Variants in CD81 observed in about 807,000 individuals in gnomAD.
CD81 encodes the protein CD81 antigen.
In CD81, 10 loss-of-function variants were observed where a neutral mutation model predicts 30.1. That is an observed-to-expected ratio of 0.33 (90% CI 0.21 to 0.56). CD81 has a LOEUF of 0.56. Among genes scored for constraint, CD81 ranks in the 20% least tolerant of loss-of-function variants. The pLI is 0.89. For missense variants in CD81, 263 were observed against 308.7 expected (o/e 0.85, Z 1.11); for synonymous variants, 147 against 126.4 (o/e 1.16, Z -1.10).
intron 1 of CD81, chr11:2,386,588 G>C (rs959988599): frequency 3.5e-5 from 25 of 717,162 alleles, no homozygotes; most frequent in Admixed American, 6.0e-5. Flanking sequence ...AGGTCGGAGA[G>C]CTTGGCATGG....
intron 1 of CD81, among the ~76,000 whole-genome samples, chr11:2,382,847 G>A (rs751654940): frequency 6.6e-5 from 10 of 152,244 alleles, no homozygotes; most frequent in Non-Finnish European, 1.2e-4. Context: ...CCTGATCCTG[G>A]AGCTCCTTCC....
intron 1 of CD81, among the ~76,000 whole-genome samples, chr11:2,383,667 G>C (rs951646250): frequency 6.6e-6 from 1 of 152,136 alleles, no homozygotes; most frequent in South Asian, 2.1e-4. Flanking sequence ...AGCCCGCAGC[G>C]TGGCCCTGCC....
rs886717708 is a variant in CD81 at position 2,396,972 on chromosome 11, T to C, written c.*106T>C. The C allele has an allele frequency of 9.4e-7, 1 of 1,058,674 alleles. No individual in the cohort carries two copies. 65.6% of individuals were successfully genotyped at this position (1,058,674 alleles called of 1,614,324 possible). On this transcript the variant is annotated 3_prime_UTR_variant, in exon 8 of 8. Coordinates refer to ENST00000263645, the MANE Select transcript of CD81 (RefSeq NM_004356.4). ...GTGTATATAACGTTTCCGGTATTAC[T>C]CTGCTACACGTAGCCTTTTTACTTT...
In CD81 at chr11:2,377,635, CCGGGG is replaced by C; in HGVS notation, c.66+25_66+29del. The C allele has an allele frequency of 6.6e-7, 1 of 1,511,214 alleles. No individual in the cohort carries two copies. Among genetic ancestry groups the C allele is most frequent in the African/African-American group, 1.4e-5 (1 of 69,916 alleles). The allele number at this position is 1,511,214 out of a possible 1,614,324, so 93.6% of individuals were successfully genotyped here. On this transcript the variant is annotated intron_variant, in intron 1 of 7. Transcript: ENST00000263645. This position sits in a 1 kb window ranked among gnomAD's most constrained non-coding sequence, Gnocchi z 7.7. ...TTCTGGGTAAGGGCTGCGCCGGGGGCCGGGGCGGGAGGGGGCAGGCACACACTCCA... is the reference window on the plus strand; with the variant it reads ...TTCTGGGTAAGGGCTGCGCCGGGGGCCGGGAGGGGGCAGGCACACACTCCA...
At chr11:2,389,512 C>A (rs1849857510) in intron 1 of CD81, among the ~76,000 whole-genome samples, 1 of 152,090 alleles carries the variant, frequency 6.6e-6, no homozygotes, top group Non-Finnish European at 1.5e-5. Flanking sequence ...GGCCCAGTCT[C>A]AAGGGCAGAC....
At chr11:2,379,446 T>G (rs1049078898) in intron 1 of CD81, among the ~76,000 whole-genome samples, 46 of 10,568 alleles carry the variant, frequency 4.4e-3, no homozygotes, top group African/African-American at 6.1e-3. Flanking sequence ...GACCTGGGGG[T>G]GGGGGTTGAG....
At chr11:2,394,006 C>T (rs765890404) in intron 2 of CD81, 89 bp from the exon 3 acceptor site, 3 of 953,628 alleles carry the variant, frequency 3.1e-6, no homozygotes, top group African/African-American at 3.2e-5. Context: ...AGCTGGGCGG[C>T]CCGTGGTGGG....
Position 2,396,888 on chromosome 11 carries a change from G to C in CD81, c.*22G>C, listed in dbSNP as rs753248682. The C allele has an allele frequency of 1.7e-5, 28 of 1,611,316 alleles. No homozygotes were observed. Among genetic ancestry groups the C allele is most frequent in the Non-Finnish European group, 2.3e-5 (27 of 1,179,232 alleles). ...CTGAGGCCCCGCAGCTCTGGCCACA[G>C]GGACCTCTGCAGTGCCCCCTAAGTG... is the stretch of plus-strand genomic sequence containing the variant. On this transcript the variant is annotated 3_prime_UTR_variant, in exon 8 of 8. Coordinates refer to ENST00000263645, the MANE Select transcript of CD81 (RefSeq NM_004356.4).
intron 1 of CD81, among the ~76,000 whole-genome samples, chr11:2,381,868 C>T (rs929439292): frequency 6.6e-6 from 1 of 152,244 alleles, no homozygotes; most frequent in South Asian, 2.1e-4. Flanking sequence ...ACTTCCAAGT[C>T]GTCCCCACCT....
At chr11:2,384,501 G>A (rs1255654214) in intron 1 of CD81, 1 of 144,314 alleles carries the variant, frequency 6.9e-6, no homozygotes, top group Non-Finnish European at 1.5e-5. Flanking sequence ...GGCGGCTTGT[G>A]GGGTGGGGCA....
rs771360707 is a variant in CD81 at position 2,395,382 on chromosome 11, TC to T, written c.355-29del. ...GGGGTGGGGGCAAGGAGGGGGAGGT[TC>T]CCCCTGTGCATGTGACCGCACCCCT... On this transcript the variant is annotated intron_variant, in intron 4 of 7. Coordinates refer to ENST00000263645, the MANE Select transcript of CD81 (RefSeq NM_004356.4). 40 of 1,532,538 alleles carry T rather than the reference TC, an allele frequency of 2.6e-5. 2 individuals are homozygous for T. The Middle Eastern group carries it at 5.1e-4, about 19-fold the overall frequency. 94.9% of individuals were successfully genotyped at this position (1,532,538 alleles called of 1,614,324 possible). A position where few individuals can be genotyped will look rare whatever the true frequency, so the allele number is the denominator to read the frequency against.
At chr11:2,396,056 GC>G in intron 6 of CD81, 86 bp downstream of exon 6, 2 of 729,794 alleles carry the variant, frequency 2.7e-6, no homozygotes, top group Non-Finnish European at 4.6e-6. Context: ...TCACACGGCA[GC>G]CCCACAGGGA....
In CD81 at chr11:2,397,082, G is replaced by T; in HGVS notation, c.*216G>T. The T allele has an allele frequency of 1.7e-6, 1 of 604,140 alleles. No individual in the cohort carries two copies. Among genetic ancestry groups the T allele is most frequent in the South Asian group, 1.9e-5 (1 of 52,634 alleles). 37.4% of individuals were successfully genotyped at this position (604,140 alleles called of 1,614,324 possible). A position where few individuals can be genotyped will look rare whatever the true frequency, so the allele number is the denominator to read the frequency against. On this transcript the variant is annotated 3_prime_UTR_variant, in exon 8 of 8. Transcript: ENST00000263645. Reference sequence around the variant, plus strand: ...AGGTGGCGTGTATGAGTGGAGACGGGCCTGGGTCTTGGGGACTGGAGGGCA... The same window carrying T: ...AGGTGGCGTGTATGAGTGGAGACGGTCCTGGGTCTTGGGGACTGGAGGGCA...
At chr11:2,389,104 G>GGGAC (rs1849849493) in intron 1 of CD81, among the ~76,000 whole-genome samples, 1 of 152,104 alleles carries the variant, frequency 6.6e-6, no homozygotes. Flanking sequence ...TTGTGTCCTA[G>GGGAC]GGACGCAGAG....
chr11:2,379,092 G>A (rs1162921107), intron 1 of CD81: 2 of 450,102 alleles, frequency 4.4e-6, no homozygotes, highest in Non-Finnish European at 9.0e-6. Flanking sequence ...CCCAGGCCCG[G>A]CCCTGGGACC....
In CD81 at chr11:2,397,228, C is replaced by T. The variant is rs557272729; in HGVS notation, c.*362C>T. On this transcript the variant is annotated 3_prime_UTR_variant, in exon 8 of 8. Coordinates refer to ENST00000263645, the MANE Select transcript of CD81 (RefSeq NM_004356.4). ...GGGGGCTGTGTCCACCCAGCCCGCC[C>T]GTCCTGTGGGCTGCACAGCTCACCT... 1.5e-5 allele frequency: 6 copies of T among 391,912 alleles called. No individual in the cohort carries two copies. In the East Asian group the frequency reaches 1.8e-4, roughly 12 times the overall value. 24.3% of individuals were successfully genotyped at this position (391,912 alleles called of 1,614,324 possible). A position where few individuals can be genotyped will look rare whatever the true frequency, so the allele number is the denominator to read the frequency against.
intron 2 of CD81, chr11:2,393,434 G>C (rs1180928987): frequency 6.1e-6 from 1 of 165,048 alleles, no homozygotes; most frequent in Non-Finnish European, 1.3e-5. Context: ...GTCCCAGGTG[G>C]GGTGCTGGGC....
chr11:2,386,156 G>A, intron 1 of CD81: 2 of 717,440 alleles, frequency 2.8e-6, no homozygotes, highest in African/African-American at 1.7e-5. Context: ...TCCCTGGCAA[G>A]GTGGAGCATC....
intron 1 of CD81, among the ~76,000 whole-genome samples, chr11:2,381,425 G>C (rs1849702691): frequency 6.6e-6 from 1 of 152,116 alleles, no homozygotes; most frequent in Admixed American, 6.5e-5. Flanking sequence ...ACCCACCCCA[G>C]CGCCCAGTTC....
Sources: allele counts gnomAD v4.1 joint callset (sites outside exome capture counted in the v4.1 genomes callset), GRCh38; gene constraint gnomAD v4.1.1; non-coding constraint Gnocchi (gnomAD v3.1); transcripts MANE v1.5; gene names NCBI Gene and HGNC (gene_info 2026-07-23, HGNC 2026-07-21).